The following PEMT variants were observed in gnomAD, a reference collection of about 807,000 sequenced individuals.
PEMT encodes the protein phosphatidylethanolamine N-methyltransferase.
In PEMT, 23 loss-of-function variants were observed where a neutral mutation model predicts 27.4. That is an observed-to-expected ratio of 0.84 (90% confidence interval 0.60 to 1.19). The LOEUF is 1.19. Ranked by LOEUF, PEMT falls within the 50% of genes most tolerant of loss-of-function variation. PEMT has a pLI of 0.00. For missense variants in PEMT, 307 were observed against 310.1 expected (o/e 0.99, Z 0.07); for synonymous variants, 137 against 139.1 (o/e 0.98, Z 0.11).
chr17:17,527,263 C>T (rs1354164619), intron 2 of PEMT, among the ~76,000 whole-genome samples: 1 of 152,172 alleles, frequency 6.6e-6, no homozygotes, highest in South Asian at 2.1e-4. Flanking sequence ...TCTCAAACTC[C>T]CGACCTCAGG....
chr17:17,542,146 A>C (rs1908932853), intron 2 of PEMT, among the ~76,000 whole-genome samples: 1 of 151,942 alleles, frequency 6.6e-6, no homozygotes, highest in South Asian at 2.1e-4. Flanking sequence ...ACACCCAGCT[A>C]ATTTTTGTAT....
In PEMT at chr17:17,591,554, G is replaced by T; in HGVS notation, c.73C>A (p.Leu25Ile). The T allele has an allele frequency of 6.2e-7, 1 of 1,613,586 alleles. No homozygotes were observed. Among genetic ancestry groups the T allele is most frequent in the Non-Finnish European group, 8.5e-7 (1 of 1,179,668 alleles). Residue 25 changes from leucine (L) to isoleucine (I), a missense_variant, in exon 1 of 7, where the codon CTC (leucine) becomes ATC (isoleucine). By Grantham distance (5) the Leu-to-Ile change is conservative (BLOSUM62 2). Transcript: ENST00000255389. ...ACCTGTCTAAAATCAATATTGCCGA[G>T]GCCTCCGCAGCAGTCAGGCCCTGCC... ...SVAGPDCCGG[L>I]GNIDFRQADF...
rs769859641 is a variant in PEMT, at chr17:17,512,598, G to C, written c.377C>G (p.Ala126Gly). ...PRMESLDTPA[A>G]YSLGLALLGL... ...CAGGAGCGCGAGGCCCAGGCTGTAG[G>C]CCGCGGGGGTGTCCAGGCTCTCCAT... Residue 126 changes from alanine (A) to glycine (G), a missense_variant, in exon 4 of 7, where the codon GCC becomes GGC. Transcript: ENST00000255389. The surrounding 1 kb of genome is among the most constrained non-coding windows in gnomAD (Gnocchi z 6.3). The C allele has an allele frequency of 3.7e-6, 6 of 1,601,934 alleles. No homozygotes were observed. The African/African-American group carries it at 6.7e-5, about 18-fold the overall frequency.
chr17:17,548,611 C>T lies in PEMT; in HGVS notation c.205-26216G>A, dbSNP rs182346007. Among the ~76,000 whole-genome samples the T allele has an allele frequency of 2.0e-5, 3 of 152,260 alleles. No homozygotes were observed. In the East Asian group the frequency reaches 5.8e-4, roughly 29 times the overall value. On this transcript the variant is annotated intron_variant, in intron 2 of 6. Coordinates refer to ENST00000255389, the MANE Select transcript of PEMT (RefSeq NM_148172.3). ...TTGCCCAGGCTGGAGTGCAATGGCA[C>T]GATCTCGGCTCACCGCAACCTCTGC...
At chr17:17,571,084 A>G (rs529047899) in intron 2 of PEMT, among the ~76,000 whole-genome samples, 70 of 152,348 alleles carry the variant, frequency 4.6e-4, no homozygotes, top group South Asian at 1.2e-3. Context: ...AAAGCCTGTC[A>G]GTCCCTCTGT....
intron 1 of PEMT, chr17:17,577,451 GT>G (rs1911676129): frequency 9.6e-7 from 1 of 1,041,614 alleles, no homozygotes; most frequent in South Asian, 3.6e-5. Context: ...CAATAGTGGT[GT>G]GCCTCTCCTC....
Position 17,582,530 on chromosome 17 carries a change from A to C in PEMT, c.97-5503T>G. On this transcript the variant is annotated intron_variant, in intron 1 of 6. Transcript: ENST00000255389. This position sits in a 1 kb window ranked among gnomAD's most constrained non-coding sequence, Gnocchi z 4.9. ...ACATCGATTCCAGGCCACACACCAC[A>C]CACAACAAAGGGCAGGGGAATGGGT... 9 of 534,642 alleles carry C rather than the reference A, an allele frequency of 1.7e-5. No individual in the cohort carries two copies. The highest frequency in any genetic ancestry group is 2.2e-5 in the Non-Finnish European group (9 of 418,230). The allele number at this position is 534,642 out of a possible 1,614,324, so 33.1% of individuals were successfully genotyped here. A position where few individuals can be genotyped will look rare whatever the true frequency, so the allele number is the denominator to read the frequency against.
intron 2 of PEMT, among the ~76,000 whole-genome samples, chr17:17,526,437 C>A (rs931591941): frequency 6.6e-6 from 1 of 152,168 alleles, no homozygotes; most frequent in Admixed American, 6.5e-5. Flanking sequence ...ACGGACAGTA[C>A]CCCCCACCCC....
chr17:17,536,492 C>G (rs1465490624), intron 2 of PEMT, among the ~76,000 whole-genome samples: 1 of 152,188 alleles, frequency 6.6e-6, no homozygotes, highest in South Asian at 2.1e-4. Flanking sequence ...GTCCGAAGCA[C>G]AACCAGGCAG....
At chr17:17,528,274 C>T (rs1907839786) in intron 2 of PEMT, among the ~76,000 whole-genome samples, 1 of 152,210 alleles carries the variant, frequency 6.6e-6, no homozygotes, top group Non-Finnish European at 1.5e-5. Context: ...GCCTGACTGG[C>T]CCCCTTTCCA....
At chr17:17,544,302 C>T (rs1305482460) in intron 2 of PEMT, among the ~76,000 whole-genome samples, 2 of 148,852 alleles carry the variant, frequency 1.3e-5, no homozygotes, top group Non-Finnish European at 3.0e-5. Flanking sequence ...TTTTTTTAGA[C>T]GGAGTTTTGC....
At chr17:17,579,101 G>A (rs1043048245) in intron 1 of PEMT, among the ~76,000 whole-genome samples, 3 of 152,212 alleles carry the variant, frequency 2.0e-5, no homozygotes, top group African/African-American at 7.2e-5. Context: ...GTGGGGAGGA[G>A]ATGGTGCTTC....
intron 2 of PEMT, among the ~76,000 whole-genome samples, chr17:17,564,772 G>A (rs746806734): frequency 1.3e-5 from 2 of 152,138 alleles, no homozygotes; most frequent in African/African-American, 2.4e-5. Context: ...CACACCCACC[G>A]CCCATGCCAA....
At chr17:17,536,427 G>A (rs1908477050) in intron 2 of PEMT, among the ~76,000 whole-genome samples, 2 of 152,180 alleles carry the variant, frequency 1.3e-5, no homozygotes, top group African/African-American at 2.4e-5. Flanking sequence ...CTCTGTCCTT[G>A]GCTTCACCCA....
At chr17:17,586,296 A>C (rs867639826) in intron 1 of PEMT, among the ~76,000 whole-genome samples, 23 of 142,042 alleles carry the variant, frequency 1.6e-4, no homozygotes, top group Admixed American at 9.0e-4. Flanking sequence ...AAGAAAAAAA[A>C]AAACGCAGGT....
chr17:17,517,928 G>T, intron 3 of PEMT: 1 of 971,982 alleles, frequency 1.0e-6, no homozygotes, highest in Non-Finnish European at 1.2e-6. Context: ...ACCTTCCAGA[G>T]ACCACCCTGC....
chr17:17,555,357 G>A (rs1353167695), intron 2 of PEMT, among the ~76,000 whole-genome samples: 1 of 152,194 alleles, frequency 6.6e-6, no homozygotes, highest in Non-Finnish European at 1.5e-5. Flanking sequence ...ATGCTCACCA[G>A]CACCTGTCAC....
chr17:17,522,508 A>G, intron 2 of PEMT, 113 bp from the exon 3 acceptor site: 1 of 711,874 alleles, frequency 1.4e-6, no homozygotes, highest in Non-Finnish European at 2.5e-6. Context: ...CCATTTCCAA[A>G]GAAGAAGAAT....
chr17:17,545,640 T>C (rs1384078457), intron 2 of PEMT, among the ~76,000 whole-genome samples: 1 of 152,246 alleles, frequency 6.6e-6, no homozygotes, highest in Non-Finnish European at 1.5e-5. Context: ...GACTCATTCA[T>C]TCATGCCATT....
Sources: gnomAD v4.1 joint callset for allele counts (sites outside exome capture counted in the v4.1 genomes callset) on GRCh38, gnomAD v4.1.1 for gene constraint, Gnocchi (gnomAD v3.1) non-coding constraint, MANE v1.5 for transcripts, NCBI Gene and HGNC (gene_info 2026-07-23, HGNC 2026-07-21) for gene names.